The following ATF1 variants were observed in gnomAD, a reference collection of about 807,000 sequenced individuals.
ATF1 encodes cyclic AMP-dependent transcription factor ATF-1.
Under a neutral mutation model 34.7 loss-of-function variants are expected in ATF1, and 16 were observed. The ratio of observed to expected loss-of-function variants is 0.46; its 90% CI spans 0.31 to 0.70. The LOEUF is 0.70. Ranked by LOEUF, ATF1 falls within the 30% of genes least tolerant of loss-of-function variation. The pLI is 0.05. For synonymous variants in ATF1, 105 were observed against 113.1 expected, an observed-to-expected ratio of 0.93 and a Z score of 0.46; for missense variants, 255 against 321.6, an observed-to-expected ratio of 0.79 and a Z score of 1.58.
chr12:50,796,691 ACT>A lies in ATF1; in HGVS notation c.194+685_194+686del, dbSNP rs1941414541. 3.3e-5 allele frequency among the ~76,000 whole-genome samples: 5 copies of A among 150,528 alleles called. 1 individual carries two copies. Among genetic ancestry groups the A allele is most frequent in the Admixed American group, 6.6e-5 (1 of 15,088 alleles). ...ACTGCAGCCTGGGCAACAGAGCAAGACTCTGTCTCAAAAAAAAAAAAAAATGT... is the reference window on the plus strand; with the variant it reads ...ACTGCAGCCTGGGCAACAGAGCAAGACTGTCTCAAAAAAAAAAAAAAATGT... On this transcript the variant is annotated intron_variant, in intron 3 of 6. Transcript: ENST00000262053.
chr12:50,804,148 AT>A (rs1185984723), intron 3 of ATF1, among the ~76,000 whole-genome samples: 1 of 152,220 alleles, frequency 6.6e-6, no homozygotes, highest in East Asian at 1.9e-4. Flanking sequence ...ATTAGAATGG[AT>A]TTTAAAAATG....
At chr12:50,794,277 A>G (rs1423307621) in intron 2 of ATF1, among the ~76,000 whole-genome samples, 1 of 150,592 alleles carries the variant, frequency 6.6e-6, no homozygotes, top group Non-Finnish European at 1.5e-5. Flanking sequence ...AAAAATTAAG[A>G]TGAAGTCGGC....
intron 4 of ATF1, among the ~76,000 whole-genome samples, chr12:50,813,300 A>T (rs1941775258): frequency 6.6e-6 from 1 of 152,226 alleles, no homozygotes; most frequent in Admixed American, 6.5e-5. Flanking sequence ...AAATATCTTA[A>T]TAACATGTAA....
intron 1 of ATF1, among the ~76,000 whole-genome samples, chr12:50,766,455 T>C (rs1259810330): frequency 6.6e-6 from 1 of 152,150 alleles, no homozygotes; most frequent in Non-Finnish European, 1.5e-5. Flanking sequence ...GTGACAGAGT[T>C]AGGCATGAAC....
At chr12:50,766,627 G>C (rs1316270001) in intron 1 of ATF1, among the ~76,000 whole-genome samples, 1 of 151,772 alleles carries the variant, frequency 6.6e-6, no homozygotes, top group African/African-American at 2.4e-5. Context: ...TCTAGCATTA[G>C]GTATATCTCC....
At position 50,819,627 on chromosome 12, in the gene ATF1, A is replaced by ATAT. The variant is rs1941908992; in HGVS notation, c.672-6_672-4dup. ...TTCTAACATTGTTTTTTTAATGCTCATATTTAGAGAAGCTGCTCGAGAATG... is the reference window on the plus strand; with the variant it reads ...TTCTAACATTGTTTTTTTAATGCTCATATTATTTAGAGAAGCTGCTCGAGAATG... On this transcript the variant is annotated splice_polypyrimidine_tract_variant and splice_region_variant and intron_variant, in intron 6 of 6. Transcript: ENST00000262053. 1.9e-6 allele frequency: 3 copies of ATAT among 1,609,716 alleles called. No homozygotes were observed. Among genetic ancestry groups the ATAT allele is most frequent in the East Asian group, 4.5e-5 (2 of 44,854 alleles).
At chr12:50,787,713 G>A (rs1033063510) in intron 2 of ATF1, among the ~76,000 whole-genome samples, 1 of 152,034 alleles carries the variant, frequency 6.6e-6, no homozygotes, top group African/African-American at 2.4e-5. Context: ...CTGCACTCCA[G>A]CCTAGGTGTC....
intron 4 of ATF1, among the ~76,000 whole-genome samples, chr12:50,812,774 A>G (rs1941763265): frequency 6.6e-6 from 1 of 152,138 alleles, no homozygotes; most frequent in Non-Finnish European, 1.5e-5. Flanking sequence ...GTGGTGAACC[A>G]GGACCACACC....
chr12:50,815,343 T>G (rs1252416618), intron 6 of ATF1, among the ~76,000 whole-genome samples: 1 of 152,072 alleles, frequency 6.6e-6, no homozygotes, highest in East Asian at 1.9e-4. Flanking sequence ...GTGTCTTAAT[T>G]TTTAACAAAA....
intron 1 of ATF1, among the ~76,000 whole-genome samples, chr12:50,765,273 C>T (rs778301527): frequency 1.3e-5 from 2 of 152,098 alleles, no homozygotes; most frequent in African/African-American, 2.4e-5. Flanking sequence ...AACAGAAATG[C>T]GTTCTTCTAA....
chr12:50,780,666 AAC>A (rs1941039102), intron 2 of ATF1, among the ~76,000 whole-genome samples: 1 of 151,422 alleles, frequency 6.6e-6, no homozygotes, highest in Non-Finnish European at 1.5e-5. Context: ...AAAAAAAAAA[AAC>A]AAAACAAGCA....
rs142345757 is a variant in ATF1, at chr12:50,821,140, A to T, written c.*1361A>T. 1.2e-3 allele frequency: 213 copies of T among 175,516 alleles called. 2 individuals are homozygous for T. Among genetic ancestry groups the T allele is most frequent in the African/African-American group, 4.8e-3 (205 of 42,318 alleles). The allele number at this position is 175,516 out of a possible 1,614,324, so 10.9% of individuals were successfully genotyped here. On this transcript the variant is annotated 3_prime_UTR_variant, in exon 7 of 7. Coordinates refer to ENST00000262053, the MANE Select transcript of ATF1 (RefSeq NM_005171.5). The stretch of plus-strand genomic sequence containing the variant: ...TGATAGTCTACTGAATGTAAAATAT[A>T]ATGCTTGGTATATGAATGATAAGCT...
intron 3 of ATF1, 88 bp from the exon 4 acceptor site, chr12:50,809,368 T>G (rs1182394222): frequency 2.4e-5 from 26 of 1,105,544 alleles, no homozygotes; most frequent in Non-Finnish European, 3.2e-5. Flanking sequence ...AGCAAGATCT[T>G]GTCTCAAAAA....
At chr12:50,814,254 C>T (rs747057496) in intron 5 of ATF1, 26 bp from the exon 6 acceptor site, 8 of 1,613,644 alleles carry the variant, frequency 5.0e-6, no homozygotes, top group Middle Eastern at 1.6e-4. Flanking sequence ...TACTAACTAA[C>T]TCATTCACTC....
chr12:50,764,832 C>G (rs1004707509), intron 1 of ATF1, among the ~76,000 whole-genome samples: 7 of 152,246 alleles, frequency 4.6e-5, no homozygotes, highest in Non-Finnish European at 7.3e-5. Context: ...AACCGACGCA[C>G]GGGCATTGCG....
intron 3 of ATF1, among the ~76,000 whole-genome samples, chr12:50,801,354 T>C (rs892809518): frequency 7.9e-5 from 12 of 152,082 alleles, no homozygotes; most frequent in Admixed American, 4.6e-4. Flanking sequence ...TAGTCAAATA[T>C]ACAGTTGCTT....
At chr12:50,808,318 T>G (rs756824422) in intron 3 of ATF1, among the ~76,000 whole-genome samples, 33 of 150,426 alleles carry the variant, frequency 2.2e-4, no homozygotes, top group East Asian at 6.1e-4. Context: ...TGTTTTATTG[T>G]TTTTTTTTGT....
At chr12:50,811,285 TA>T (rs1941731787) in intron 4 of ATF1, among the ~76,000 whole-genome samples, 1 of 152,198 alleles carries the variant, frequency 6.6e-6, no homozygotes, top group Non-Finnish European at 1.5e-5. Context: ...AGTCAGTACA[TA>T]TTAGTTTAAT....
intron 2 of ATF1, 37 bp downstream of exon 2, chr12:50,780,275 G>A: frequency 6.7e-7 from 1 of 1,485,330 alleles, no homozygotes; most frequent in Non-Finnish European, 9.3e-7. Flanking sequence ...GAGCTTGTTA[G>A]GAATATTTTA....
Sources: allele counts gnomAD v4.1 joint callset (sites outside exome capture counted in the v4.1 genomes callset), GRCh38; gene constraint gnomAD v4.1.1; transcripts MANE v1.5; gene names NCBI Gene and HGNC (gene_info 2026-07-23, HGNC 2026-07-21).